The following PRKCB variants were observed in gnomAD, a reference collection of about 807,000 sequenced individuals.
The protein encoded by PRKCB is protein kinase C beta type.
Under a neutral mutation model 81.5 loss-of-function variants are expected in PRKCB, and 13 were observed. The observed-to-expected ratio is 0.16, with a 90% CI of 0.10 to 0.25. PRKCB has a LOEUF of 0.25. PRKCB is among the 10% of genes least tolerant of loss of function. PRKCB has a pLI of 1.00. For synonymous variants in PRKCB, 335 were observed against 321.4 expected, an observed-to-expected ratio of 1.04 and a Z score of -0.45; for missense variants, 509 against 875.7, an observed-to-expected ratio of 0.58 and a Z score of 5.29.
At chr16:23,993,256 A>G (rs1964912526) in intron 3 of PRKCB, among the ~76,000 whole-genome samples, 7 of 152,224 alleles carry the variant, frequency 4.6e-5, no homozygotes, top group Admixed American at 4.6e-4. Flanking sequence ...TGGAAGTAAC[A>G]TGAAGTTGAA....
chr16:24,102,036 A>G (rs1966514958), intron 7 of PRKCB, among the ~76,000 whole-genome samples: 1 of 152,196 alleles, frequency 6.6e-6, no homozygotes, highest in Non-Finnish European at 1.5e-5. Flanking sequence ...GAGCCTAAGC[A>G]TATACAAATT....
chr16:24,048,836 C>T (rs1223688363), intron 5 of PRKCB, among the ~76,000 whole-genome samples: 1 of 152,108 alleles, frequency 6.6e-6, no homozygotes, highest in Non-Finnish European at 1.5e-5. Context: ...AGGAACTCTA[C>T]AAGCGTTCCT....
At chr16:24,080,590 T>C (rs1966237478) in intron 5 of PRKCB, among the ~76,000 whole-genome samples, 2 of 152,096 alleles carry the variant, frequency 1.3e-5, no homozygotes, top group South Asian at 4.1e-4. Context: ...CAGTACAAGA[T>C]AACCAGTGGA....
chr16:23,950,308 G>A (rs1399695817), intron 2 of PRKCB, among the ~76,000 whole-genome samples: 2 of 151,950 alleles, frequency 1.3e-5, no homozygotes, highest in African/African-American at 4.8e-5. Context: ...GTCCCACTGG[G>A]TCCTCCCACT....
At chr16:24,153,580 A>G (rs372700016) in intron 9 of PRKCB, among the ~76,000 whole-genome samples, 1 of 152,214 alleles carries the variant, frequency 6.6e-6, no homozygotes, top group Admixed American at 6.5e-5. Flanking sequence ...GCTTCTTGAG[A>G]CAATCTGCTG....
At chr16:24,048,627 C>A (rs1308408368) in intron 5 of PRKCB, among the ~76,000 whole-genome samples, 1 of 151,992 alleles carries the variant, frequency 6.6e-6, no homozygotes, top group Non-Finnish European at 1.5e-5. Flanking sequence ...GTAGCTGGGA[C>A]TACAGGCATG....
At chr16:23,925,625 TA>T (rs1567315741) in intron 2 of PRKCB, among the ~76,000 whole-genome samples, 1 of 152,052 alleles carries the variant, frequency 6.6e-6, no homozygotes. Context: ...TTAAATTTTT[TA>T]AAAAAAGTTT....
chr16:24,180,656 T>A (rs1188469337), intron 12 of PRKCB, 134 bp from the exon 13 acceptor site: 5 of 1,053,938 alleles, frequency 4.7e-6, no homozygotes, highest in Non-Finnish European at 6.9e-6. Context: ...CTGTTGGAGG[T>A]CAAAGGCTGG....
At chr16:23,909,213 G>A (rs1475521751) in intron 2 of PRKCB, among the ~76,000 whole-genome samples, 2 of 152,098 alleles carry the variant, frequency 1.3e-5, no homozygotes, top group Non-Finnish European at 2.9e-5. Flanking sequence ...GGGTAAATAG[G>A]CCACATTTCA....
intron 5 of PRKCB, among the ~76,000 whole-genome samples, chr16:24,046,823 A>C (rs940757567): frequency 5.3e-5 from 8 of 152,212 alleles, no homozygotes; most frequent in African/African-American, 1.9e-4. Flanking sequence ...GAAGGACATC[A>C]TGCAAGGTCA....
intron 2 of PRKCB, chr16:23,963,755 T>C (rs1348051762): frequency 6.6e-6 from 1 of 152,266 alleles, no homozygotes; most frequent in Non-Finnish European, 1.5e-5. Flanking sequence ...GGCTTGTTCC[T>C]GGGAAGTTCT....
At chr16:23,880,429 A>C (rs1376884888) in intron 2 of PRKCB, among the ~76,000 whole-genome samples, 2 of 151,570 alleles carry the variant, frequency 1.3e-5, no homozygotes, top group East Asian at 3.9e-4. Flanking sequence ...CTGCACGTTT[A>C]ATTTTTAATC....
chr16:23,887,044 G>C (rs1423824377), intron 2 of PRKCB, among the ~76,000 whole-genome samples: 1 of 152,040 alleles, frequency 6.6e-6, no homozygotes. Context: ...CATTGCATGA[G>C]TTTTCTTTTC....
chr16:23,943,938 G>A (rs567483828), intron 2 of PRKCB, among the ~76,000 whole-genome samples: 12 of 152,258 alleles, frequency 7.9e-5, no homozygotes, highest in South Asian at 2.1e-4. Context: ...ACTTTGCCTC[G>A]CGTGCTCCTG....
At chr16:24,112,667 T>C (rs1044274351) in intron 7 of PRKCB, among the ~76,000 whole-genome samples, 3 of 152,142 alleles carry the variant, frequency 2.0e-5, no homozygotes, top group Non-Finnish European at 4.4e-5. Flanking sequence ...TTTAACGATA[T>C]AACTAAGAAA....
At chr16:23,979,638 G>A (rs556988767) in intron 2 of PRKCB, among the ~76,000 whole-genome samples, 1 of 152,118 alleles carries the variant, frequency 6.6e-6, no homozygotes, top group Non-Finnish European at 1.5e-5. Context: ...CTGACTGAAT[G>A]GCGGGGGTGA....
At chr16:23,848,475 T>C (rs1038500031) in intron 2 of PRKCB, among the ~76,000 whole-genome samples, 59 of 152,196 alleles carry the variant, frequency 3.9e-4, no homozygotes, top group African/African-American at 1.4e-3. Flanking sequence ...TTGTTGATTG[T>C]TCTATTTTGA....
chr16:24,200,213 T>C (rs191664193), intron 16 of PRKCB, among the ~76,000 whole-genome samples: 1 of 151,916 alleles, frequency 6.6e-6, no homozygotes, highest in Non-Finnish European at 1.5e-5. Context: ...CATTAAGGAG[T>C]AGAGGTTTCC....
At chr16:23,911,127 G>C (rs1436351280) in intron 2 of PRKCB, among the ~76,000 whole-genome samples, 1 of 11,788 alleles carries the variant, frequency 8.5e-5, no homozygotes, top group Non-Finnish European at 1.7e-4. Flanking sequence ...ACGTATATAT[G>C]CTTTTTTTTT....
Sources: allele counts gnomAD v4.1 joint callset (sites outside exome capture counted in the v4.1 genomes callset), GRCh38; gene constraint gnomAD v4.1.1; transcripts MANE v1.5; gene names NCBI Gene and HGNC (gene_info 2026-07-23, HGNC 2026-07-21).